Variants in SDK1 observed in about 807,000 individuals in gnomAD.
SDK1 encodes the protein protein sidekick-1.
Under a neutral mutation model 245.5 loss-of-function variants are expected in SDK1, and 157 were observed. That is an observed-to-expected ratio of 0.64 (90% CI 0.56 to 0.73). The LOEUF is 0.73. Ranked by LOEUF, SDK1 falls within the 30% of genes least tolerant of loss-of-function variation. SDK1 has a pLI of 0.00. For missense variants in SDK1, 3,583 were observed against 3,002.3 expected (o/e 1.19, Z -4.52); for synonymous variants, 1,647 against 1,278.5 (o/e 1.29, Z -6.15).
intron 1 of SDK1, among the ~76,000 whole-genome samples, chr7:3,611,872 G>C (rs1188119577): frequency 6.6e-6 from 1 of 152,112 alleles, no homozygotes; most frequent in African/African-American, 2.4e-5. Flanking sequence ...TTTTACACTG[G>C]TGGTGAGAAT....
At chr7:3,819,901 A>G (rs541056811) in intron 4 of SDK1, among the ~76,000 whole-genome samples, 1 of 152,270 alleles carries the variant, frequency 6.6e-6, no homozygotes, top group South Asian at 2.1e-4. Flanking sequence ...CTCATGAGAG[A>G]TTACTCATTT....
intron 5 of SDK1, among the ~76,000 whole-genome samples, chr7:3,886,081 C>T (rs754819508): frequency 3.9e-5 from 6 of 152,130 alleles, no homozygotes; most frequent in East Asian, 1.9e-4. Flanking sequence ...ATGGTGGCCC[C>T]GCAGAGACCT....
intron 1 of SDK1, among the ~76,000 whole-genome samples, chr7:3,388,626 C>T (rs142302897): frequency 5.9e-5 from 9 of 152,070 alleles, no homozygotes; most frequent in Admixed American, 4.6e-4. Flanking sequence ...TGTGTACTTT[C>T]TAGTTTGAAA....
chr7:3,635,497 T>C (rs1000226204), intron 2 of SDK1, among the ~76,000 whole-genome samples: 2 of 152,238 alleles, frequency 1.3e-5, no homozygotes, highest in African/African-American at 2.4e-5. Context: ...TGATTCAAGA[T>C]ATGCTTGGGA....
chr7:3,833,683 G>T (rs1486726200), intron 5 of SDK1, among the ~76,000 whole-genome samples: 2 of 152,178 alleles, frequency 1.3e-5, no homozygotes, highest in South Asian at 2.1e-4. Context: ...AACTTCACTT[G>T]TCTTGAACTG....
intron 35 of SDK1, among the ~76,000 whole-genome samples, chr7:4,185,407 C>G (rs894887869): frequency 6.6e-6 from 1 of 152,178 alleles, no homozygotes; most frequent in African/African-American, 2.4e-5. Flanking sequence ...TCAGGTTAAG[C>G]CTGCACTCCT....
At chr7:3,603,559 T>G (rs1202072163) in intron 1 of SDK1, among the ~76,000 whole-genome samples, 1 of 152,108 alleles carries the variant, frequency 6.6e-6, no homozygotes, top group African/African-American at 2.4e-5. Flanking sequence ...CTGAAGTTGC[T>G]TATCAGCTTG....
At chr7:4,073,236 C>T (rs972607618) in intron 20 of SDK1, among the ~76,000 whole-genome samples, 2 of 152,278 alleles carry the variant, frequency 1.3e-5, no homozygotes, top group Admixed American at 6.5e-5. Flanking sequence ...GCCCTCCACG[C>T]ACCTCCCCCA....
intron 1 of SDK1, among the ~76,000 whole-genome samples, chr7:3,334,215 C>T (rs1283981833): frequency 6.6e-6 from 1 of 152,292 alleles, no homozygotes; most frequent in South Asian, 2.1e-4. Context: ...CAGTATTTTC[C>T]ACATTTATGG....
chr7:3,847,226 C>T (rs1003257961), intron 5 of SDK1, among the ~76,000 whole-genome samples: 7 of 152,092 alleles, frequency 4.6e-5, no homozygotes, highest in Non-Finnish European at 1.0e-4. Flanking sequence ...CTAGATGCCC[C>T]ATGGACTCCT....
At chr7:4,124,764 A>G (rs929200956) in intron 25 of SDK1, among the ~76,000 whole-genome samples, 5 of 152,242 alleles carry the variant, frequency 3.3e-5, no homozygotes, top group Admixed American at 1.3e-4. Flanking sequence ...AGACTAACTA[A>G]CAGTGCTACC....
intron 22 of SDK1, among the ~76,000 whole-genome samples, chr7:4,082,941 T>C (rs754327872): frequency 6.6e-6 from 1 of 152,086 alleles, no homozygotes; most frequent in African/African-American, 2.4e-5. Flanking sequence ...TTTAATATCA[T>C]CTAATAGTCA....
intron 5 of SDK1, among the ~76,000 whole-genome samples, chr7:3,864,406 C>G (rs1469024689): frequency 1.3e-5 from 2 of 152,188 alleles, no homozygotes; most frequent in East Asian, 1.9e-4. Flanking sequence ...GGCAGAGATT[C>G]AGTAAACTGT....
Position 4,093,057 on chromosome 7 carries a change from C to A in SDK1, c.3324+13473C>A, listed in dbSNP as rs571991227. ...GAATTATGGAATGAAGGATCCTAATCATTGGAGGAACCCATTGAAAGGCCC... is the reference window on the plus strand; with the variant it reads ...GAATTATGGAATGAAGGATCCTAATAATTGGAGGAACCCATTGAAAGGCCC... On this transcript the variant is annotated intron_variant, in intron 22 of 44. Coordinates refer to ENST00000404826, the MANE Select transcript of SDK1 (RefSeq NM_152744.4). Among the ~76,000 whole-genome samples, 14 of 152,174 alleles carry A rather than the reference C, an allele frequency of 9.2e-5. 1 individual carries two copies. The East Asian group carries it at 2.7e-3, about 29-fold the overall frequency.
At chr7:4,149,652 G>A (rs1780222697) in intron 30 of SDK1, among the ~76,000 whole-genome samples, 189 bp downstream of exon 30, 1 of 152,122 alleles carries the variant, frequency 6.6e-6, no homozygotes, top group Admixed American at 6.5e-5. Context: ...TACTTCCAAG[G>A]GCCCACCCCC....
chr7:3,749,013 G>C (rs924571121), intron 4 of SDK1, among the ~76,000 whole-genome samples: 11 of 152,164 alleles, frequency 7.2e-5, no homozygotes, highest in African/African-American at 2.7e-4. Context: ...CTCACACTTA[G>C]ATGGAGACAT....
intron 42 of SDK1, 38 bp from the exon 43 acceptor site, chr7:4,241,755 A>G (rs781699026): frequency 3.7e-6 from 6 of 1,612,936 alleles, no homozygotes; most frequent in African/African-American, 1.3e-5. Flanking sequence ...TGGCCACACC[A>G]GTAACACGTC....
intron 4 of SDK1, among the ~76,000 whole-genome samples, chr7:3,741,117 T>C (rs867167599): frequency 1.3e-5 from 2 of 152,192 alleles, no homozygotes; most frequent in Non-Finnish European, 2.9e-5. Context: ...GAAAATTCCA[T>C]CCTGCCACCT....
At chr7:3,888,655 T>C (rs1781390814) in intron 5 of SDK1, among the ~76,000 whole-genome samples, 2 of 152,202 alleles carry the variant, frequency 1.3e-5, no homozygotes, top group African/African-American at 4.8e-5. Context: ...TAGGATCTTA[T>C]AATTTAGTAC....
Sources: allele counts gnomAD v4.1 joint callset (sites outside exome capture counted in the v4.1 genomes callset), GRCh38; gene constraint gnomAD v4.1.1; transcripts MANE v1.5; gene names NCBI Gene and HGNC (gene_info 2026-07-23, HGNC 2026-07-21).